Variants in THSD7B observed in about 807,000 individuals in gnomAD.
THSD7B encodes thrombospondin type 1 domain containing 7B, also known as thrombospondin type-1 domain-containing protein 7B.
A neutral mutation model predicts 213.6 loss-of-function variants in THSD7B; 138 were observed. The observed-to-expected ratio is 0.65, with a 90% CI of 0.56 to 0.74. THSD7B has a LOEUF of 0.74. Ranked by LOEUF, THSD7B falls within the 30% of genes least tolerant of loss-of-function variation. THSD7B has a pLI of 0.00. For synonymous variants in THSD7B, 742 were observed against 687.0 expected (o/e 1.08, Z -1.25); for missense variants, 1,931 against 1,991.5 (o/e 0.97, Z 0.58).
chr2:137,607,542 G>A (rs7609531), intron 17 of THSD7B, among the ~76,000 whole-genome samples: 8 of 151,960 alleles, frequency 5.3e-5, no homozygotes, highest in South Asian at 4.1e-4. Flanking sequence ...CTCATGGGTC[G>A]CAATAATGTC....
rs143119877 is a variant in THSD7B, at chr2:136,958,843, G to C, written c.139+76526G>C. Among the ~76,000 whole-genome samples the C allele has an allele frequency of 2.3e-3, 350 of 152,268 alleles. 2 individuals carry two copies. Among genetic ancestry groups the C allele is most frequent in the African/African-American group, 8.1e-3 (335 of 41,536 alleles). The stretch of plus-strand genomic sequence containing the variant: ...ATAGTCAGAACTGCCCCCAAAGTGA[G>C]CTGAATTTCATCTAGAGTGGGTACT... On this transcript the variant is annotated intron_variant, in intron 2 of 27. Transcript: ENST00000409968.
chr2:137,000,842 A>G (rs1246391729), intron 2 of THSD7B, among the ~76,000 whole-genome samples: 1 of 152,020 alleles, frequency 6.6e-6, no homozygotes, highest in African/African-American at 2.4e-5. Context: ...ATTTTTAGTA[A>G]CTAGAAGGAA....
At chr2:137,207,317 TCAG>T (rs1438773945) in intron 7 of THSD7B, among the ~76,000 whole-genome samples, 2 of 152,094 alleles carry the variant, frequency 1.3e-5, no homozygotes, top group Non-Finnish European at 2.9e-5. Context: ...ACATCATTGC[TCAG>T]ATCTAGGTCT....
At chr2:136,960,179 G>A (rs1006928259) in intron 2 of THSD7B, among the ~76,000 whole-genome samples, 3 of 152,104 alleles carry the variant, frequency 2.0e-5, no homozygotes, top group African/African-American at 7.2e-5. Flanking sequence ...CCAGGCTGGA[G>A]TGCAATGGCG....
intron 2 of THSD7B, among the ~76,000 whole-genome samples, chr2:136,925,337 G>C (rs1594290): frequency 0.074 from 11,272 of 152,066 alleles, 673 homozygotes; most frequent in African/African-American, 0.16. Flanking sequence ...TTATGTTGAG[G>C]CATTTACACT....
chr2:137,395,375 G>T lies in THSD7B; in HGVS notation c.2501-10238G>T, dbSNP rs1203353785. On this transcript the variant is annotated intron_variant, in intron 12 of 27. Coordinates refer to ENST00000409968, the MANE Select transcript of THSD7B (RefSeq NM_001316349.2). ...TTATTGAGAGTTTTTAGCATGAAGGGTTGTTGAATTTTGTCAAAGGCTTTT... is the reference window on the plus strand; with the variant it reads ...TTATTGAGAGTTTTTAGCATGAAGGTTTGTTGAATTTTGTCAAAGGCTTTT... Among the ~76,000 whole-genome samples the T allele has an allele frequency of 2.0e-5, 3 of 149,820 alleles. No individual in the cohort carries two copies. The East Asian group carries it at 5.9e-4, about 29-fold the overall frequency.
At chr2:137,126,139 A>C (rs78305692) in intron 5 of THSD7B, among the ~76,000 whole-genome samples, 4,777 of 152,250 alleles carry the variant, frequency 0.031, 116 homozygotes, top group Admixed American at 0.059. Flanking sequence ...TTCAACTTAA[A>C]GTCACCAGCT....
chr2:136,910,445 A>G (rs1684237967), intron 2 of THSD7B, among the ~76,000 whole-genome samples: 1 of 152,208 alleles, frequency 6.6e-6, no homozygotes, highest in Non-Finnish European at 1.5e-5. Flanking sequence ...GATTATAAGT[A>G]AGTTGAACCT....
chr2:137,310,663 T>C (rs1262291456), intron 12 of THSD7B, among the ~76,000 whole-genome samples: 1 of 152,152 alleles, frequency 6.6e-6, no homozygotes, highest in Non-Finnish European at 1.5e-5. Flanking sequence ...CTTTAATCCA[T>C]CTTGAATTGA....
chr2:137,412,623 A>AAAAAC (rs1558789019), intron 14 of THSD7B, among the ~76,000 whole-genome samples: 1,429 of 125,680 alleles, frequency 0.011, 9 homozygotes, highest in South Asian at 0.021. Flanking sequence ...AAAAAAAACA[A>AAAAAC]AAAACAGTTT....
At chr2:137,486,955 G>A (rs1688461278) in intron 15 of THSD7B, among the ~76,000 whole-genome samples, 1 of 152,146 alleles carries the variant, frequency 6.6e-6, no homozygotes, top group Non-Finnish European at 1.5e-5. Flanking sequence ...TGAGAACAAA[G>A]CCACAACATA....
chr2:137,654,283 T>C (rs76298809), intron 21 of THSD7B, among the ~76,000 whole-genome samples: 2,443 of 152,278 alleles, frequency 0.016, 59 homozygotes, highest in African/African-American at 0.055. Flanking sequence ...CTAGGGGATC[T>C]GTGAAACCAA....
At chr2:137,162,162 T>C (rs1417648797) in intron 6 of THSD7B, among the ~76,000 whole-genome samples, 2 of 152,208 alleles carry the variant, frequency 1.3e-5, no homozygotes, top group South Asian at 2.1e-4. Context: ...AGGATAGGGC[T>C]GCATCCAAGA....
At chr2:136,936,957 T>C (rs1311858190) in intron 2 of THSD7B, among the ~76,000 whole-genome samples, 1 of 152,110 alleles carries the variant, frequency 6.6e-6, no homozygotes, top group Non-Finnish European at 1.5e-5. Flanking sequence ...AATGACTTAA[T>C]GTAAAAATAA....
At chr2:136,831,940 C>G (rs1558819750) in intron 1 of THSD7B, among the ~76,000 whole-genome samples, 1 of 152,068 alleles carries the variant, frequency 6.6e-6, no homozygotes, top group Non-Finnish European at 1.5e-5. Context: ...TAGGAAACTC[C>G]TGTAATAATT....
At chr2:137,600,460 G>A (rs1573735941) in intron 17 of THSD7B, among the ~76,000 whole-genome samples, 1 of 152,296 alleles carries the variant, frequency 6.6e-6, no homozygotes, top group Admixed American at 6.5e-5. Flanking sequence ...ACTACAGACT[G>A]GATGTTATGG....
chr2:137,566,503 G>A (rs1573713415), intron 16 of THSD7B, among the ~76,000 whole-genome samples: 1 of 152,284 alleles, frequency 6.6e-6, no homozygotes, highest in African/African-American at 2.4e-5. Context: ...CATGATTTGA[G>A]TGGACCCTCC....
At position 137,398,820 on chromosome 2, in the gene THSD7B, C is replaced by T. The variant is rs183273121; in HGVS notation, c.2501-6793C>T. ...GCTGTGCTAGCAATCAGCGAGATTC[C>T]GTGGGCGTAGGACCCTCCAAGCCAG... On this transcript the variant is annotated intron_variant, in intron 12 of 27. Coordinates refer to ENST00000409968, the MANE Select transcript of THSD7B (RefSeq NM_001316349.2). 2.7e-3 allele frequency among the ~76,000 whole-genome samples: 412 copies of T among 152,292 alleles called. 4 individuals are homozygous for T. The highest frequency in any genetic ancestry group is 9.2e-3 in the African/African-American group (383 of 41,562).
intron 3 of THSD7B, among the ~76,000 whole-genome samples, chr2:137,071,966 T>G (rs967218510): frequency 6.6e-6 from 1 of 152,254 alleles, no homozygotes; most frequent in East Asian, 1.9e-4. Context: ...CATTGGTCTA[T>G]ATCTCTGTTT....
Sources: gnomAD v4.1 joint callset for allele counts (sites outside exome capture counted in the v4.1 genomes callset) on GRCh38, gnomAD v4.1.1 for gene constraint, MANE v1.5 for transcripts, NCBI Gene and HGNC (gene_info 2026-07-23, HGNC 2026-07-21) for gene names.